The following PPARGC1A variants were observed in gnomAD, a reference collection of about 807,000 sequenced individuals.
The protein encoded by PPARGC1A is peroxisome proliferator-activated receptor gamma coactivator 1-alpha.
Under a neutral mutation model 88.7 loss-of-function variants are expected in PPARGC1A, and 25 were observed. The ratio of observed to expected loss-of-function variants is 0.28; its 90% confidence interval spans 0.21 to 0.39. PPARGC1A has a LOEUF of 0.39. PPARGC1A is among the 10% of genes least tolerant of loss of function. The pLI, the probability that PPARGC1A is intolerant of heterozygous loss-of-function variation, is 1.00. For synonymous variants in PPARGC1A, 363 were observed against 355.6 expected (o/e 1.02, Z -0.24); for missense variants, 880 against 968.7 (o/e 0.91, Z 1.22).
the PPARGC1A span, among the ~76,000 whole-genome samples, chr4:24,296,021 TA>T: frequency 1.7e-5 from 1 of 59,068 alleles, no homozygotes. Context: ...TATATATATG[TA>T]TATGTGTGTA....
Position 23,814,242 on chromosome 4 carries a change from T to A in PPARGC1A, c.1241A>T (p.Asp414Val). 6.2e-7 allele frequency: 1 copy of A among 1,613,998 alleles called. No homozygotes were observed. Among genetic ancestry groups the A allele is most frequent in the Non-Finnish European group, 8.5e-7 (1 of 1,179,952 alleles). The part of the protein sequence containing the change: ...LQDSRQLENK[D>V]VSSDWQGQIC... ...CTGCCCCTGCCAATCAGAGGAGACA[T>A]CTTTATTTTCTAGTTGTCTAGAGTC... Residue 414 changes from aspartate (D) to valine (V), a missense_variant, in exon 8 of 13, where the codon GAT becomes GTT. By Grantham distance (152) the Asp-to-Val change is radical. Coordinates refer to ENST00000264867, the MANE Select transcript of PPARGC1A (RefSeq NM_013261.5).
chr4:23,973,714 T>G, the PPARGC1A span, among the ~76,000 whole-genome samples: 24 of 152,170 alleles, frequency 1.6e-4, no homozygotes. Context: ...TGGAGTTTTT[T>G]TTAAAGTGTT....
chr4:24,288,026 G>C, the PPARGC1A span, among the ~76,000 whole-genome samples: 1 of 152,112 alleles, frequency 6.6e-6, no homozygotes, highest in Non-Finnish European at 1.5e-5. Flanking sequence ...GCAACTTTGC[G>C]GGTGCCCTCC....
At chr4:23,941,977 C>A in the PPARGC1A span, among the ~76,000 whole-genome samples, 445 of 152,172 alleles carry the variant, frequency 2.9e-3, 7 homozygotes, top group African/African-American at 0.01. Context: ...TCTTTGGACT[C>A]CCTACTTTAA....
chr4:23,858,623 C>G (rs1431567111), intron 2 of PPARGC1A, among the ~76,000 whole-genome samples: 1 of 152,150 alleles, frequency 6.6e-6, no homozygotes, highest in African/African-American at 2.4e-5. Flanking sequence ...ATATGTCCCT[C>G]ATTTGGTTTT....
the PPARGC1A span, among the ~76,000 whole-genome samples, chr4:24,096,150 C>T: frequency 3.3e-5 from 5 of 152,166 alleles, no homozygotes; most frequent in Non-Finnish European, 7.3e-5. Flanking sequence ...TGTGGCACTT[C>T]CCTCTTCGCT....
chr4:24,057,453 G>GT, the PPARGC1A span, among the ~76,000 whole-genome samples: 4 of 86,586 alleles, frequency 4.6e-5, no homozygotes, highest in African/African-American at 2.0e-4. Context: ...GGCTAAGATG[G>GT]TTTAAAAAAA....
chr4:24,241,338 T>A, the PPARGC1A span, among the ~76,000 whole-genome samples: 1 of 152,222 alleles, frequency 6.6e-6, no homozygotes, highest in Non-Finnish European at 1.5e-5. Context: ...AGCTCTTTTC[T>A]GGCAGCCAAG....
chr4:24,447,117 T>C, the PPARGC1A span, among the ~76,000 whole-genome samples: 1 of 152,174 alleles, frequency 6.6e-6, no homozygotes, highest in African/African-American at 2.4e-5. Flanking sequence ...GGCCAGCTAC[T>C]GAGCCCCAAC....
At chr4:24,241,416 C>A in the PPARGC1A span, among the ~76,000 whole-genome samples, 34 of 152,346 alleles carry the variant, frequency 2.2e-4, 1 homozygote, top group South Asian at 6.4e-3. Context: ...GCCTCCCCTT[C>A]CCCCAGTTGT....
the PPARGC1A span, among the ~76,000 whole-genome samples, chr4:24,296,173 ATGTG>A: frequency 2.7e-5 from 4 of 149,870 alleles, no homozygotes; most frequent in African/African-American, 9.9e-5. Context: ...CTATATTTAT[ATGTG>A]TGTGTATGTG....
chr4:24,329,019 C>A, the PPARGC1A span, among the ~76,000 whole-genome samples: 1 of 152,182 alleles, frequency 6.6e-6, no homozygotes, highest in African/African-American at 2.4e-5. Context: ...GCACAGCTGA[C>A]CCTGGCTGCC....
the PPARGC1A span, among the ~76,000 whole-genome samples, chr4:23,996,403 T>A: frequency 6.6e-6 from 1 of 152,088 alleles, no homozygotes; most frequent in Admixed American, 6.5e-5. Context: ...CTTCTTTCAA[T>A]CAAAAATGAC....
the PPARGC1A span, among the ~76,000 whole-genome samples, chr4:24,090,320 T>C: frequency 6.6e-6 from 1 of 152,208 alleles, no homozygotes; most frequent in Non-Finnish European, 1.5e-5. Context: ...CCACTCAAAG[T>C]GAAAGGATTC....
At chr4:24,143,089 C>T in the PPARGC1A span, among the ~76,000 whole-genome samples, 1 of 152,182 alleles carries the variant, frequency 6.6e-6, no homozygotes, top group East Asian at 1.9e-4. Context: ...AACATGCATA[C>T]ATGTATCTTT....
upstream of PPARGC1A, among the ~76,000 whole-genome samples, chr4:23,907,837 G>A (rs570826859): frequency 2.3e-4 from 35 of 152,212 alleles, no homozygotes; most frequent in Admixed American, 2.3e-3. Flanking sequence ...ATTTCTGCAT[G>A]TTTTATCCCA....
chr4:24,092,763 C>A, the PPARGC1A span, among the ~76,000 whole-genome samples: 1 of 152,254 alleles, frequency 6.6e-6, no homozygotes, highest in South Asian at 2.1e-4. Context: ...TAGTGGTGCC[C>A]CATGCTCCCA....
chr4:24,240,861 G>A, the PPARGC1A span, among the ~76,000 whole-genome samples: 2 of 152,272 alleles, frequency 1.3e-5, no homozygotes, highest in East Asian at 1.9e-4. Flanking sequence ...GGAGGGAGAA[G>A]AGCCTCTCCC....
At chr4:24,275,850 T>C in the PPARGC1A span, among the ~76,000 whole-genome samples, 2 of 152,122 alleles carry the variant, frequency 1.3e-5, no homozygotes, top group Non-Finnish European at 2.9e-5. Flanking sequence ...GTGATATGCA[T>C]ATATATAATA....
Sources: allele counts gnomAD v4.1 joint callset (sites outside exome capture counted in the v4.1 genomes callset), GRCh38; gene constraint gnomAD v4.1.1; transcripts MANE v1.5; gene names NCBI Gene and HGNC (gene_info 2026-07-23, HGNC 2026-07-21).